Variants in SLC4A5 observed in about 807,000 individuals in gnomAD.
SLC4A5 encodes the protein electrogenic sodium bicarbonate cotransporter 4.
In SLC4A5, 96 loss-of-function variants were observed where a neutral mutation model predicts 120.4. The observed-to-expected ratio is 0.80, with a 90% CI of 0.68 to 0.94. The LOEUF (loss-of-function observed/expected upper bound fraction) is 0.94, where lower values mean the gene tolerates loss of function less well. SLC4A5 is among the 40% of genes least tolerant of loss of function. The probability of loss-of-function intolerance (pLI) is 0.00; values close to 1 mark genes in which losing one functional copy is unlikely to be tolerated. For synonymous variants in SLC4A5, 550 were observed against 571.1 expected, an observed-to-expected ratio of 0.96 and a Z score of 0.53; for missense variants, 1,259 against 1,459.5, an observed-to-expected ratio of 0.86 and a Z score of 2.24.
intron 4 of SLC4A5, among the ~76,000 whole-genome samples, chr2:74,328,820 G>A (rs1264405568): frequency 6.6e-6 from 1 of 152,172 alleles, no homozygotes; most frequent in Non-Finnish European, 1.5e-5. Context: ...GTCAGATTAG[G>A]GCATGGCTTG....
intron 5 of SLC4A5, among the ~76,000 whole-genome samples, chr2:74,324,443 G>A (rs1056797135): frequency 6.6e-6 from 1 of 152,114 alleles, no homozygotes; most frequent in Non-Finnish European, 1.5e-5. Context: ...ATAGATTGCT[G>A]GGTCTCATCC....
At chr2:74,297,195 G>A (rs1672356294) in intron 7 of SLC4A5, among the ~76,000 whole-genome samples, 1 of 152,192 alleles carries the variant, frequency 6.6e-6, no homozygotes, top group Non-Finnish European at 1.5e-5. Context: ...AGAGGAAAAA[G>A]ATTTGGGCGT....
At chr2:74,225,313 C>T (rs544645502) in intron 27 of SLC4A5, among the ~76,000 whole-genome samples, 1 of 152,196 alleles carries the variant, frequency 6.6e-6, no homozygotes, top group African/African-American at 2.4e-5. Context: ...TAGTGGTTCT[C>T]AGCCAGGCGT....
chr2:74,298,743 T>C (rs1261140538), intron 7 of SLC4A5, among the ~76,000 whole-genome samples: 1 of 152,154 alleles, frequency 6.6e-6, no homozygotes, highest in East Asian at 1.9e-4. Flanking sequence ...AAAAAAATCC[T>C]ATTTTTAAAT....
intron 8 of SLC4A5, among the ~76,000 whole-genome samples, chr2:74,274,795 T>G (rs1355022282): frequency 1.3e-5 from 2 of 152,258 alleles, no homozygotes; most frequent in African/African-American, 4.8e-5. Flanking sequence ...ATGTTCATCC[T>G]CTAGCCTTTG....
At chr2:74,287,423 C>T (rs1256918520) in intron 7 of SLC4A5, among the ~76,000 whole-genome samples, 2 of 151,958 alleles carry the variant, frequency 1.3e-5, no homozygotes, top group African/African-American at 4.8e-5. Context: ...TATTCACAAG[C>T]GAACTCAGTT....
chr2:74,264,470 C>T (rs972486162), intron 9 of SLC4A5, among the ~76,000 whole-genome samples, 171 bp from the exon 10 acceptor site: 1 of 136,478 alleles, frequency 7.3e-6, no homozygotes, highest in African/African-American at 2.9e-5. Context: ...AACTCTTGGC[C>T]TCCTCCTGTT....
intron 30 of SLC4A5, among the ~76,000 whole-genome samples, chr2:74,220,242 G>GATT (rs1694582496): frequency 6.6e-6 from 1 of 152,128 alleles, no homozygotes; most frequent in South Asian, 2.1e-4. Flanking sequence ...TTTCACGGGT[G>GATT]GCTTCTCATG....
exon 15 of SLC4A5, chr2:74,253,045 G>A (rs1670843176): frequency 1.2e-6 from 2 of 1,614,224 alleles, no homozygotes; most frequent in Non-Finnish European, 1.7e-6. Flanking sequence ...CAGGAGGAAG[G>A]ACGATGACCT....
intron 24 of SLC4A5, among the ~76,000 whole-genome samples, chr2:74,231,736 C>A (rs191725558): frequency 6.6e-6 from 1 of 152,290 alleles, no homozygotes; most frequent in African/African-American, 2.4e-5. Context: ...TTTAAGATTT[C>A]GTTTTTGTGG....
chr2:74,283,066 C>G (rs1013764465), intron 8 of SLC4A5, among the ~76,000 whole-genome samples: 14 of 152,188 alleles, frequency 9.2e-5, no homozygotes, highest in Non-Finnish European at 2.1e-4. Flanking sequence ...ATCTCTGACC[C>G]CAACAGAATT....
intron 8 of SLC4A5, among the ~76,000 whole-genome samples, chr2:74,269,664 C>G (rs1671413708): frequency 6.6e-6 from 1 of 152,070 alleles, no homozygotes; most frequent in South Asian, 2.1e-4. Context: ...CACCCTGCTC[C>G]CAAAGACTCT....
chr2:74,307,492 G>A (rs909512457), intron 6 of SLC4A5: 31 of 618,312 alleles, frequency 5.0e-5, no homozygotes, highest in African/African-American at 3.7e-4. Flanking sequence ...ACAGACTAGC[G>A]CATGGCCAGC....
At chr2:74,251,404 C>T (rs1317264954) in intron 16 of SLC4A5, among the ~76,000 whole-genome samples, 15 of 151,592 alleles carry the variant, frequency 9.9e-5, no homozygotes. Context: ...AAATCTAGAT[C>T]AACCTGAATG....
At chr2:74,225,599 C>G (rs920487362) in intron 27 of SLC4A5, among the ~76,000 whole-genome samples, 1 of 152,054 alleles carries the variant, frequency 6.6e-6, no homozygotes, top group African/African-American at 2.4e-5. Context: ...CCATCTCAAA[C>G]AAATAAAATA....
intron 7 of SLC4A5, among the ~76,000 whole-genome samples, chr2:74,294,251 A>G (rs528177152): frequency 6.6e-6 from 1 of 152,288 alleles, no homozygotes; most frequent in Non-Finnish European, 1.5e-5. Context: ...CAGGCCTGGG[A>G]AGGGCAACAA....
chr2:74,330,987 TGGAGGTGGTGATGTCTAGAA>T (rs1673352034), intron 4 of SLC4A5, among the ~76,000 whole-genome samples: 1 of 148,606 alleles, frequency 6.7e-6, no homozygotes, highest in African/African-American at 2.5e-5. Flanking sequence ...GAGGTCTAGA[TGGAGGTGGTGATGTCTAGAA>T]GGAGGTGGTG....
intron 7 of SLC4A5, among the ~76,000 whole-genome samples, chr2:74,288,445 T>C (rs1672054570): frequency 6.6e-6 from 1 of 152,228 alleles, no homozygotes; most frequent in Admixed American, 6.5e-5. Context: ...ATGGTCTGGC[T>C]TATCTCTCTG....
At chr2:74,280,502 T>C (rs942202370) in intron 8 of SLC4A5, among the ~76,000 whole-genome samples, 3 of 152,170 alleles carry the variant, frequency 2.0e-5, no homozygotes, top group Non-Finnish European at 4.4e-5. Context: ...TATTAGTTGA[T>C]GAATGAACCA....
Sources: gnomAD v4.1 joint callset for allele counts (sites outside exome capture counted in the v4.1 genomes callset) on GRCh38, gnomAD v4.1.1 for gene constraint, MANE v1.5 for transcripts, NCBI Gene and HGNC (gene_info 2026-07-23, HGNC 2026-07-21) for gene names.